Variants in TMCC1 observed in about 807,000 individuals in gnomAD.
TMCC1 encodes the protein transmembrane and coiled-coil domain family 1, also known as transmembrane and coiled-coil domains protein 1.
TMCC1 carries 15 observed loss-of-function variants against 52.4 expected under a neutral mutation model. The ratio of observed to expected loss-of-function variants is 0.29; its 90% CI spans 0.19 to 0.44. The LOEUF (loss-of-function observed/expected upper bound fraction) is 0.44, where lower values mean the gene tolerates loss of function less well. Among genes scored for constraint, TMCC1 ranks in the 20% least tolerant of loss-of-function variants. The probability of loss-of-function intolerance (pLI) is 1.00; values close to 1 mark genes in which losing one functional copy is unlikely to be tolerated. For missense variants in TMCC1, 503 were observed against 806.0 expected (o/e 0.62, Z 4.55); for synonymous variants, 279 against 301.9 (o/e 0.92, Z 0.79).
intron 1 of TMCC1, among the ~76,000 whole-genome samples, chr3:129,891,219 G>T (rs1037752436): frequency 6.6e-5 from 10 of 152,126 alleles, no homozygotes; most frequent in African/African-American, 2.4e-4. Context: ...TGTCACATCA[G>T]CTTGTTTTAT....
At chr3:129,771,794 A>G (rs865931081) in intron 4 of TMCC1, among the ~76,000 whole-genome samples, 2 of 144,140 alleles carry the variant, frequency 1.4e-5, no homozygotes, top group African/African-American at 4.9e-5. Context: ...AAAAAAAAAA[A>G]AAAAAGAAGA....
At chr3:129,722,727 C>A (rs2049719224) in intron 4 of TMCC1, among the ~76,000 whole-genome samples, 1 of 152,172 alleles carries the variant, frequency 6.6e-6, no homozygotes, top group South Asian at 2.1e-4. Flanking sequence ...CCCCACTCAC[C>A]CTGGGCTAGC....
chr3:129,864,101 G>T (rs927325385), intron 2 of TMCC1, among the ~76,000 whole-genome samples: 1 of 152,158 alleles, frequency 6.6e-6, no homozygotes, highest in Admixed American at 6.5e-5. Flanking sequence ...CTGTAAAAGA[G>T]TTCTAAGGCA....
chr3:129,754,933 C>T (rs1189276602), intron 4 of TMCC1, among the ~76,000 whole-genome samples: 1 of 151,964 alleles, frequency 6.6e-6, no homozygotes, highest in East Asian at 1.9e-4. Context: ...CCAAAATTAG[C>T]CAGGTGTGGT....
At chr3:129,858,251 CT>C (rs1325940469) in intron 2 of TMCC1, among the ~76,000 whole-genome samples, 9 of 152,234 alleles carry the variant, frequency 5.9e-5, no homozygotes, top group African/African-American at 2.2e-4. Context: ...ACACAACTTT[CT>C]GAACACCATC....
intron 4 of TMCC1, among the ~76,000 whole-genome samples, chr3:129,771,774 CA>C (rs755523077): frequency 2.6e-3 from 199 of 75,582 alleles, no homozygotes; most frequent in African/African-American, 7.6e-3. Flanking sequence ...GACACTGTCT[CA>C]AAAAAAAAAA....
chr3:129,660,502 C>T (rs2086952249), intron 5 of TMCC1, among the ~76,000 whole-genome samples: 1 of 152,144 alleles, frequency 6.6e-6, no homozygotes, highest in African/African-American at 2.4e-5. Context: ...TATATTTTGA[C>T]ATTTTCACTG....
At chr3:129,847,669 G>C (rs992703935) in intron 2 of TMCC1, 9 of 152,172 alleles carry the variant, frequency 5.9e-5, no homozygotes, top group Admixed American at 5.9e-4. Context: ...TGGATATACA[G>C]TTTCATTTCT....
chr3:129,748,233 G>A (rs1424373516), intron 4 of TMCC1, among the ~76,000 whole-genome samples: 1 of 152,092 alleles, frequency 6.6e-6, no homozygotes, highest in Non-Finnish European at 1.5e-5. Context: ...CACTTCCCTG[G>A]TATCTTGCCA....
At chr3:129,685,388 CTTAAAAA>C (rs1367935053) in intron 4 of TMCC1, among the ~76,000 whole-genome samples, 1 of 144,516 alleles carries the variant, frequency 6.9e-6, no homozygotes, top group Non-Finnish European at 1.5e-5. Flanking sequence ...CTAAAAGAAA[CTTAAAAA>C]TTAAATTTAA....
At chr3:129,883,880 AAAG>A (rs1577218805) in intron 1 of TMCC1, among the ~76,000 whole-genome samples, 1 of 151,736 alleles carries the variant, frequency 6.6e-6, no homozygotes, top group East Asian at 1.9e-4. Flanking sequence ...TAAATTAAAA[AAAG>A]AAAAAATATA....
intron 2 of TMCC1, among the ~76,000 whole-genome samples, chr3:129,877,170 A>T (rs1169488297): frequency 6.6e-6 from 1 of 152,166 alleles, no homozygotes; most frequent in Non-Finnish European, 1.5e-5. Flanking sequence ...GAAAGACAAC[A>T]TCTCCAATCA....
At chr3:129,679,099 ACTC>A (rs753186297) in intron 4 of TMCC1, among the ~76,000 whole-genome samples, 20 of 151,956 alleles carry the variant, frequency 1.3e-4, no homozygotes, top group Non-Finnish European at 2.5e-4. Flanking sequence ...TCATCCCTTT[ACTC>A]CACTGGCATC....
chr3:129,861,132 A>G (rs928730774), intron 2 of TMCC1: 14 of 152,156 alleles, frequency 9.2e-5, no homozygotes, highest in Non-Finnish European at 2.1e-4. Context: ...AACACAAAAT[A>G]ATTATTAAAG....
At chr3:129,844,337 G>C (rs2059565042) in intron 2 of TMCC1, among the ~76,000 whole-genome samples, 1 of 152,144 alleles carries the variant, frequency 6.6e-6, no homozygotes, top group Non-Finnish European at 1.5e-5. Flanking sequence ...GGAGTGAATG[G>C]AATTACAGAA....
chr3:129,701,971 T>C (rs1475482059), intron 4 of TMCC1, among the ~76,000 whole-genome samples: 3 of 152,042 alleles, frequency 2.0e-5, no homozygotes, highest in Admixed American at 6.6e-5. Flanking sequence ...TTTTAAAAAA[T>C]AGAAAAAAAT....
chr3:129,690,602 T>A (rs1419286198), intron 4 of TMCC1, among the ~76,000 whole-genome samples: 1 of 152,110 alleles, frequency 6.6e-6, no homozygotes, highest in African/African-American at 2.4e-5. Flanking sequence ...AGGAAGTGAG[T>A]GTGTAACCTA....
At chr3:129,742,614 G>T (rs978192880) in intron 4 of TMCC1, among the ~76,000 whole-genome samples, 1 of 152,096 alleles carries the variant, frequency 6.6e-6, no homozygotes, top group Non-Finnish European at 1.5e-5. Context: ...AGTGGTAAAA[G>T]GTATGGCATG....
At chr3:129,780,279 T>C (rs907950714) in intron 4 of TMCC1, among the ~76,000 whole-genome samples, 4 of 152,168 alleles carry the variant, frequency 2.6e-5, no homozygotes, top group African/African-American at 9.6e-5. Context: ...TTCACATCTT[T>C]GCACATCACT....
Sources: gnomAD v4.1 joint callset for allele counts (sites outside exome capture counted in the v4.1 genomes callset) on GRCh38, gnomAD v4.1.1 for gene constraint, MANE v1.5 for transcripts, NCBI Gene and HGNC (gene_info 2026-07-23, HGNC 2026-07-21) for gene names.